Variants in GINS2 observed in about 807,000 individuals in gnomAD.
GINS2 encodes DNA replication complex GINS protein PSF2.
GINS2 carries 23 observed loss-of-function variants against 21.2 expected under a neutral mutation model. The observed-to-expected ratio is 1.08, with a 90% CI of 0.78 to 1.53. The LOEUF (loss-of-function observed/expected upper bound fraction) is 1.53. Ranked by LOEUF, GINS2 falls within the 40% of genes most tolerant of loss-of-function variation. The pLI is 0.00. For missense variants in GINS2, 323 were observed against 233.9 expected (o/e 1.38, Z -2.49); for synonymous variants, 118 against 85.6 (o/e 1.38, Z -2.09).
At position 85,677,083 on chromosome 16, in the gene GINS2, G is replaced by C. The variant is rs542757003; in HGVS notation, c.*1129C>G. The C allele has an allele frequency of 6.6e-6, 1 of 151,832 alleles. No homozygotes were observed. Among genetic ancestry groups the C allele is most frequent in the Non-Finnish European group, 1.5e-5 (1 of 67,982 alleles). 9.4% of individuals were successfully genotyped at this position (151,832 alleles called of 1,614,324 possible). A position where few individuals can be genotyped will look rare whatever the true frequency, so the allele number is the denominator to read the frequency against. On this transcript the variant is annotated 3_prime_UTR_variant, in exon 5 of 5. Transcript: ENST00000253462. ...AGACGGGGTTTCACCATGTTAGCCA[G>C]GATAGTCTCAATCTCCTGGCCTTGT...
At position 85,677,598 on chromosome 16, in the gene GINS2, G is replaced by A. The variant is rs1171899427; in HGVS notation, c.*614C>T. 6.6e-6 allele frequency: 1 copy of A among 152,252 alleles called. No homozygotes were observed. The highest frequency in any genetic ancestry group is 1.5e-5 in the Non-Finnish European group (1 of 68,094). 9.4% of individuals were successfully genotyped at this position (152,252 alleles called of 1,614,324 possible). Reference sequence around the variant, plus strand: ...AACTGCCGTGTGCCTCAGTTTCGTTGACTGAGTCATCTCAGCCACAGGCTC... The same window carrying A: ...AACTGCCGTGTGCCTCAGTTTCGTTAACTGAGTCATCTCAGCCACAGGCTC... On this transcript the variant is annotated 3_prime_UTR_variant, in exon 5 of 5. Coordinates refer to ENST00000253462, the MANE Select transcript of GINS2 (RefSeq NM_016095.3).
chr16:85,683,802 C>A (rs2053753316), intron 2 of GINS2, among the ~76,000 whole-genome samples: 1 of 152,224 alleles, frequency 6.6e-6, no homozygotes, highest in South Asian at 2.1e-4. Flanking sequence ...TATGAAACAC[C>A]TCTGGTCCAA....
chr16:85,687,899 CG>C, intron 1 of GINS2: 1 of 197,006 alleles, frequency 5.1e-6, no homozygotes. Flanking sequence ...TCCTGGGGTG[CG>C]GGGAGGTGGG....
chr16:85,678,802 T>C (rs2053708495), intron 3 of GINS2, 136 bp from the exon 4 acceptor site: 2 of 826,628 alleles, frequency 2.4e-6, no homozygotes, highest in South Asian at 1.7e-5. Flanking sequence ...TTTTCAACTT[T>C]AGGGTGTAAA....
At chr16:85,686,662 A>G (rs1482593827) in intron 2 of GINS2, among the ~76,000 whole-genome samples, 2 of 152,208 alleles carry the variant, frequency 1.3e-5, no homozygotes, top group African/African-American at 4.8e-5. Context: ...GTTGATAGAA[A>G]TGGAATGATA....
intron 1 of GINS2, among the ~76,000 whole-genome samples, chr16:85,688,346 G>C (rs1030923344): frequency 2.0e-5 from 3 of 152,226 alleles, no homozygotes. Flanking sequence ...AGGAGTTCGA[G>C]ACCAGCCTGG....
chr16:85,681,322 C>T (rs2053730294), intron 3 of GINS2, among the ~76,000 whole-genome samples: 1 of 152,094 alleles, frequency 6.6e-6, no homozygotes, highest in African/African-American at 2.4e-5. Flanking sequence ...AAGGGCTTCA[C>T]CGGGAAGTGG....
chr16:85,678,354 G>C lies in GINS2; in HGVS notation c.433-17C>G, dbSNP rs370449955. Reference sequence around the variant, plus strand: ...GTTATCCAGCTAAAGCAAGAAAACAGACCAAGTTGGCCAAGGAGTTTTTGA... The same window carrying C: ...GTTATCCAGCTAAAGCAAGAAAACACACCAAGTTGGCCAAGGAGTTTTTGA... On this transcript the variant is annotated splice_polypyrimidine_tract_variant and intron_variant, in intron 4 of 4. Transcript: ENST00000253462. The C allele has an allele frequency of 4.3e-6, 7 of 1,613,026 alleles. No individual in the cohort carries two copies. Among genetic ancestry groups the C allele is most frequent in the Non-Finnish European group, 5.9e-6 (7 of 1,179,610 alleles).
rs756464014 is a variant in GINS2 at position 85,681,615 on chromosome 16, T to C, written c.272A>G (p.Tyr91Cys). Residue 91 changes from tyrosine (Y) to cysteine (C), a missense_variant, in exon 3 of 5, where the codon TAC (tyrosine) becomes TGC (cysteine). Coordinates refer to ENST00000253462, the MANE Select transcript of GINS2 (RefSeq NM_016095.3). The stretch of plus-strand genomic sequence containing the variant: ...CAGGAGCTTCGTAAGTTCCATGTAG[T>C]AAGGGCTGGGCATTGGGGTAAAAGT... ...EETFTPMPSP[Y>C]YMELTKLLLN... is the part of the protein sequence containing the mutation. 6.2e-7 allele frequency: 1 copy of C among 1,611,738 alleles called. No individual in the cohort carries two copies. The highest frequency in any genetic ancestry group is 1.1e-5 in the South Asian group (1 of 91,006).
chr16:85,682,457 G>C (rs1298933239), intron 2 of GINS2, among the ~76,000 whole-genome samples: 2 of 149,364 alleles, frequency 1.3e-5, no homozygotes, highest in East Asian at 3.9e-4. Flanking sequence ...GGGGGGTTAA[G>C]CCACCCCAGC....
chr16:85,676,591 G>T lies in GINS2; in HGVS notation c.*1621C>A, dbSNP rs2053673457. The T allele has an allele frequency of 6.6e-6, 1 of 152,260 alleles. No homozygotes were observed. The highest frequency in any genetic ancestry group is 2.1e-4 in the South Asian group (1 of 4,832). The allele number at this position is 152,260 out of a possible 1,614,324, so 9.4% of individuals were successfully genotyped here. On this transcript the variant is annotated 3_prime_UTR_variant, in exon 5 of 5. Coordinates refer to ENST00000253462, the MANE Select transcript of GINS2 (RefSeq NM_016095.3). Reference sequence around the variant, plus strand: ...AGTGTGCAGCATGCTAGACACTGGAGGGCAGATGCTGGGTGATAAGTCTTT... The same window carrying T: ...AGTGTGCAGCATGCTAGACACTGGATGGCAGATGCTGGGTGATAAGTCTTT...
rs369745784 is a variant in GINS2, at chr16:85,687,576, T to G, written c.91-2A>C. The G allele has an allele frequency of 3.9e-6, 6 of 1,526,894 alleles. No individual in the cohort carries two copies. The highest frequency in any genetic ancestry group is 5.3e-6 in the Non-Finnish European group (6 of 1,133,632). 94.6% of individuals were successfully genotyped at this position (1,526,894 alleles called of 1,614,324 possible). On this transcript the variant is annotated splice_acceptor_variant, in intron 1 of 4. Transcript: ENST00000253462. LOFTEE classifies it high-confidence loss of function. Reference sequence around the variant, plus strand: ...AGGGTTAAAAGGCCCCAGGTCCCCCTGCCAAAAGTAAAACAATTCCCCGTA... The same window carrying G: ...AGGGTTAAAAGGCCCCAGGTCCCCCGGCCAAAAGTAAAACAATTCCCCGTA...
chr16:85,687,392 C>A, intron 2 of GINS2, 68 bp downstream of exon 2: 2 of 864,288 alleles, frequency 2.3e-6, no homozygotes, highest in South Asian at 3.8e-5. Context: ...GCCTCCACCC[C>A]GTGGGAGAGG....
Position 85,677,986 on chromosome 16 carries a change from A to T in GINS2, c.*226T>A. ...TTATTTCTCAAAAGTGGGGGGAAAA[A>T]GGGCTGGTTTCTAGAAACAGATGTG... On this transcript the variant is annotated 3_prime_UTR_variant, in exon 5 of 5. Coordinates refer to ENST00000253462, the MANE Select transcript of GINS2 (RefSeq NM_016095.3). 1 of 457,790 alleles carries T rather than the reference A, an allele frequency of 2.2e-6. No homozygotes were observed. Among genetic ancestry groups the T allele is most frequent in the Non-Finnish European group, 3.9e-6 (1 of 257,168 alleles). The allele number at this position is 457,790 out of a possible 1,614,324, so 28.4% of individuals were successfully genotyped here.
At position 85,678,357 on chromosome 16, in the gene GINS2, C is replaced by A. The variant is rs764528236; in HGVS notation, c.433-20G>T. The A allele has an allele frequency of 6.2e-7, 1 of 1,612,788 alleles. No homozygotes were observed. The highest frequency in any genetic ancestry group is 1.1e-5 in the South Asian group (1 of 90,862). On this transcript the variant is annotated intron_variant, in intron 4 of 4. Transcript: ENST00000253462. ...ATCCAGCTAAAGCAAGAAAACAGAC[C>A]AAGTTGGCCAAGGAGTTTTTGATTT...
rs1226894880 is a variant in GINS2, at chr16:85,685,924, G to GA, written c.205+1535dup. 3.9e-3 allele frequency among the ~76,000 whole-genome samples: 535 copies of GA among 136,090 alleles called. 2 individuals carry two copies. Among genetic ancestry groups the GA allele is most frequent in the African/African-American group, 0.011 (406 of 36,994 alleles). 89.3% of individuals were successfully genotyped at this position (136,090 alleles called of 152,430 possible). A position where few individuals can be genotyped will look rare whatever the true frequency, so the allele number is the denominator to read the frequency against. On this transcript the variant is annotated intron_variant, in intron 2 of 4. Transcript: ENST00000253462. Reference sequence around the variant, plus strand: ...GGCTGAGACCCCATCTCCATAAAAAGAAAAAAAAAAAATCACTCAGGGTCT... The same window carrying GA: ...GGCTGAGACCCCATCTCCATAAAAAGAAAAAAAAAAAAATCACTCAGGGTCT...
Position 85,687,463 on chromosome 16 carries a change from C to T in GINS2, c.202G>A (p.Val68Ile), listed in dbSNP as rs2053787177. ...CCAGTCTCCACCACATCCTTACCTA[C>T]ATCCATCCACTCTGGAGGGAGCAGG... ...CRLLPPEWMD[V>I]EKLEKMRDHE... The change falls in exon 2 of 5, where the codon GTA (valine) becomes ATA (isoleucine). Residue 68 changes from valine (V) to isoleucine (I), a missense_variant. By Grantham distance (29) the Val-to-Ile change is conservative (BLOSUM62 3). Coordinates refer to ENST00000253462, the MANE Select transcript of GINS2 (RefSeq NM_016095.3). 6.5e-7 allele frequency: 1 copy of T among 1,530,198 alleles called. No individual in the cohort carries two copies. Among genetic ancestry groups the T allele is most frequent in the Non-Finnish European group, 8.8e-7 (1 of 1,136,848 alleles). The allele number at this position is 1,530,198 out of a possible 1,614,324, so 94.8% of individuals were successfully genotyped here.
At chr16:85,681,491 G>C (rs1005801272) in intron 3 of GINS2, 91 bp downstream of exon 3, 1 of 757,908 alleles carries the variant, frequency 1.3e-6, no homozygotes, top group Non-Finnish European at 2.3e-6. Flanking sequence ...GAGGCAATAA[G>C]CAGGGAAGCG....
At chr16:85,687,041 G>T (rs538069755) in intron 2 of GINS2, among the ~76,000 whole-genome samples, 12 of 152,182 alleles carry the variant, frequency 7.9e-5, no homozygotes, top group Non-Finnish European at 1.5e-4. Flanking sequence ...GGGCAGCATG[G>T]CAAGACCCCA....
Sources: allele counts gnomAD v4.1 joint callset (sites outside exome capture counted in the v4.1 genomes callset), GRCh38; gene constraint gnomAD v4.1.1; transcripts MANE v1.5; gene names NCBI Gene and HGNC (gene_info 2026-07-23, HGNC 2026-07-21).